The following COL15A1 variants were observed in gnomAD, a reference collection of about 807,000 sequenced individuals.
The protein encoded by COL15A1 is collagen alpha-1(XV) chain.
COL15A1 carries 111 observed loss-of-function variants against 165.9 expected under a neutral mutation model. That is an observed-to-expected ratio of 0.67 (90% CI 0.57 to 0.78). COL15A1 has a LOEUF of 0.78. COL15A1 is among the 30% of genes least tolerant of loss of function. The probability of loss-of-function intolerance (pLI) is 0.00; values close to 1 mark genes in which losing one functional copy is unlikely to be tolerated. For synonymous variants in COL15A1, 659 were observed against 674.8 expected (o/e 0.98, Z 0.36); for missense variants, 1,745 against 1,789.7 (o/e 0.98, Z 0.45).
intron 6 of COL15A1, among the ~76,000 whole-genome samples, chr9:98,999,167 C>T (rs546435687): frequency 6.4e-4 from 98 of 152,362 alleles, no homozygotes; most frequent in Admixed American, 2.7e-3. Flanking sequence ...GGCACCTCTT[C>T]CAGAGTTATT....
At chr9:99,038,330 T>C (rs936644739) in intron 21 of COL15A1, among the ~76,000 whole-genome samples, 9 of 152,250 alleles carry the variant, frequency 5.9e-5, no homozygotes, top group African/African-American at 2.2e-4. Context: ...TACAGCCTGA[T>C]GCCATTTATG....
intron 14 of COL15A1, among the ~76,000 whole-genome samples, chr9:99,024,622 G>C (rs571964030): frequency 6.6e-6 from 1 of 152,224 alleles, no homozygotes; most frequent in Non-Finnish European, 1.5e-5. Flanking sequence ...TCAGCCTTTT[G>C]GGAGAAAACA....
At chr9:98,991,812 G>A (rs918902255) in intron 5 of COL15A1, among the ~76,000 whole-genome samples, 5 of 151,104 alleles carry the variant, frequency 3.3e-5, no homozygotes, top group Non-Finnish European at 7.4e-5. Flanking sequence ...GACACAGAGT[G>A]TTGATTGGTG....
chr9:99,045,123 G>A (rs1053847533), intron 26 of COL15A1, among the ~76,000 whole-genome samples: 1 of 152,144 alleles, frequency 6.6e-6, no homozygotes, highest in African/African-American at 2.4e-5. Flanking sequence ...GGAGGGGGAA[G>A]AGATTGTGAA....
chr9:99,063,255 G>A, intron 39 of COL15A1, 146 bp downstream of exon 39: 1 of 1,062,628 alleles, frequency 9.4e-7, no homozygotes, highest in South Asian at 2.1e-5. Context: ...TTACAATACA[G>A]TGTGGTAAGT....
intron 9 of COL15A1, among the ~76,000 whole-genome samples, chr9:99,011,642 T>C (rs1042599592): frequency 1.3e-5 from 2 of 152,112 alleles, no homozygotes; most frequent in Admixed American, 6.5e-5. Flanking sequence ...CACTTTTTTT[T>C]AGAAAGAATG....
chr9:98,970,505 C>G (rs776441857), intron 2 of COL15A1, among the ~76,000 whole-genome samples: 1 of 152,236 alleles, frequency 6.6e-6, no homozygotes, highest in Non-Finnish European at 1.5e-5. Flanking sequence ...GTGTGGGCTT[C>G]AGACTTTCTG....
At chr9:99,024,285 G>GTTTT (rs1016769818) in intron 14 of COL15A1, among the ~76,000 whole-genome samples, 1 of 129,478 alleles carries the variant, frequency 7.7e-6, no homozygotes, top group African/African-American at 3.0e-5. Context: ...TTGTTTTTTT[G>GTTTT]TTTTTTTTTT....
rs144796512 is a variant in COL15A1, at chr9:99,036,390, G to A, written c.2403G>A (p.Leu801=). Residue 801 remains leucine (L), a synonymous_variant, in exon 21 of 42, where the codon TTG becomes TTA. Transcript: ENST00000375001. The part of the protein sequence containing the change: ...PRGPPGHIKV[L]SNSLINITHG... ...GGCCACCTGGGCACATCAAGGTCTT[G>A]TCTAATGTGAGTATCATTCAGGTCA... The A allele has an allele frequency of 2.4e-5, 38 of 1,614,050 alleles. No homozygotes were observed. The African/African-American group carries it at 4.5e-4, about 19-fold the overall frequency.
chr9:99,069,157 G>A (rs866185430), intron 41 of COL15A1, among the ~76,000 whole-genome samples: 1 of 152,170 alleles, frequency 6.6e-6, no homozygotes, highest in South Asian at 2.1e-4. Flanking sequence ...GGCCTGGAAG[G>A]CACAATAATA....
Position 99,062,304 on chromosome 9 carries a change from C to T in COL15A1, c.3591C>T (p.Asn1197=), listed in dbSNP as rs199959562. 4.0e-5 allele frequency: 65 copies of T among 1,607,798 alleles called. No individual in the cohort carries two copies. Among genetic ancestry groups the T allele is most frequent in the African/African-American group, 8.0e-5 (6 of 74,926 alleles). ...CTCCACCCCCTGCGCTTTCCAGCAA[C>T]GTGAGTAGTTACCCTGTTGGACTGC... is the stretch of plus-strand genomic sequence containing the variant. ...DSPPPPALSS[N]PHQLLPPPNP... Residue 1197 remains asparagine, a splice_region_variant and synonymous_variant, in exon 38 of 42, where the codon AAC becomes AAT. Transcript: ENST00000375001.
At chr9:99,063,000 C>T in intron 38 of COL15A1, 50 bp from the exon 39 acceptor site, 1 of 1,563,006 alleles carries the variant, frequency 6.4e-7, no homozygotes, top group South Asian at 1.2e-5. Flanking sequence ...CTCTGAAGAA[C>T]AGATTGAATG....
At chr9:99,042,953 G>A (rs1839435318) in intron 24 of COL15A1, among the ~76,000 whole-genome samples, 2 of 152,192 alleles carry the variant, frequency 1.3e-5, no homozygotes, top group African/African-American at 4.8e-5. Flanking sequence ...GTGCCAGGCA[G>A]TTTCCTGTGC....
At chr9:99,015,715 A>C in intron 10 of COL15A1, 149 bp downstream of exon 10, 2 of 826,222 alleles carry the variant, frequency 2.4e-6, no homozygotes, top group Non-Finnish European at 3.8e-6. Flanking sequence ...GAGGCAGGAC[A>C]CAATGCTGGA....
At chr9:99,000,691 A>G (rs919280387) in intron 6 of COL15A1, 148 bp from the exon 7 acceptor site, 2 of 622,272 alleles carry the variant, frequency 3.2e-6, no homozygotes, top group Non-Finnish European at 5.7e-6. Context: ...TTTGCCATGT[A>G]TGTTGTTCTG....
chr9:99,050,095 G>T (rs910215209), intron 30 of COL15A1, among the ~76,000 whole-genome samples, 200 bp downstream of exon 30: 6 of 152,178 alleles, frequency 3.9e-5, no homozygotes, highest in Non-Finnish European at 1.5e-5. Context: ...TCTTCTAAGG[G>T]TGCACACACG....
In COL15A1 at chr9:99,036,342, T is replaced by C; in HGVS notation, c.2355T>C (p.Ile785=). Residue 785 remains isoleucine (I), a synonymous_variant, in exon 21 of 42, where the codon ATT becomes ATC. Coordinates refer to ENST00000375001, the MANE Select transcript of COL15A1 (RefSeq NM_001855.5). ...KGERGMDGAS[I]VGPPGPRGPP... ...AAAGGGGGATGGATGGAGCCAGTATTGTGGGACCCCCTGGGCCGAGAGGGC... is the reference window on the plus strand; with the variant it reads ...AAAGGGGGATGGATGGAGCCAGTATCGTGGGACCCCCTGGGCCGAGAGGGC... 6.2e-7 allele frequency: 1 copy of C among 1,614,132 alleles called. No homozygotes were observed. Among genetic ancestry groups the C allele is most frequent in the Non-Finnish European group, 8.5e-7 (1 of 1,180,018 alleles).
chr9:99,026,159 G>A (rs1355808789), intron 16 of COL15A1, among the ~76,000 whole-genome samples, 193 bp downstream of exon 16: 1 of 152,134 alleles, frequency 6.6e-6, no homozygotes, highest in Non-Finnish European at 1.5e-5. Context: ...CACCTTCCCT[G>A]CCCACTCTTG....
chr9:98,989,549 G>A (rs1454564200), intron 5 of COL15A1, among the ~76,000 whole-genome samples: 1 of 152,196 alleles, frequency 6.6e-6, no homozygotes, highest in Non-Finnish European at 1.5e-5. Flanking sequence ...AAAAGCCTGT[G>A]GCCTTAGGTA....
Sources: gnomAD v4.1 joint callset for allele counts (sites outside exome capture counted in the v4.1 genomes callset) on GRCh38, gnomAD v4.1.1 for gene constraint, MANE v1.5 for transcripts, NCBI Gene and HGNC (gene_info 2026-07-23, HGNC 2026-07-21) for gene names.